DEPDC1B: variants seen among roughly 807,000 people sequenced by gnomAD.
DEPDC1B encodes DEP domain containing 1B.
DEPDC1B carries 51 observed loss-of-function variants against 66.5 expected under a neutral mutation model. That is an observed-to-expected ratio of 0.77 (90% CI 0.61 to 0.97). The LOEUF (loss-of-function observed/expected upper bound fraction) is 0.97. DEPDC1B is among the 50% of genes least tolerant of loss of function. DEPDC1B has a pLI of 0.00. For synonymous variants in DEPDC1B, 226 were observed against 223.6 expected (o/e 1.01, Z -0.10); for missense variants, 552 against 637.1 (o/e 0.87, Z 1.44).
At position 60,599,160 on chromosome 5, in the gene DEPDC1B, G is replaced by A; in HGVS notation, c.1343C>T (p.Ser448Phe). 1 of 1,613,474 alleles carries A rather than the reference G, an allele frequency of 6.2e-7. No homozygotes were observed. The highest frequency in any genetic ancestry group is 8.5e-7 in the Non-Finnish European group (1 of 1,179,710). ...EEFEYQRSYG[S>F]QEPLAALLEE... ...CAACAAGGCTGCCAGAGGTTCCTGA[G>A]AGCCATATGATCTTTGATATTCAAA... The change falls in exon 10 of 11, where the codon TCT (serine) becomes TTT (phenylalanine). Residue 448 changes from serine to phenylalanine, a missense_variant. Physicochemically the swap from Ser to Phe is radical, Grantham distance 155. Transcript: ENST00000265036.
At chr5:60,630,151 T>C (rs188055750) in intron 7 of DEPDC1B, among the ~76,000 whole-genome samples, 84 of 152,370 alleles carry the variant, frequency 5.5e-4, no homozygotes, top group African/African-American at 1.9e-3. Context: ...CTCTTTATAC[T>C]TCTTTATATG....
Position 60,693,566 on chromosome 5 carries a change from T to C in DEPDC1B, c.49-6339A>G, listed in dbSNP as rs566785678. Among the ~76,000 whole-genome samples the C allele has an allele frequency of 2.0e-5, 3 of 152,276 alleles. No individual in the cohort carries two copies. The South Asian group carries it at 6.2e-4, about 32-fold the overall frequency. The stretch of plus-strand genomic sequence containing the variant: ...CTCTTAAATTATAAGGTTCAATCTA[T>C]TCTAGAGCTGGAAAAAATCTTTGGG... On this transcript the variant is annotated intron_variant, in intron 1 of 10. Transcript: ENST00000265036.
intron 2 of DEPDC1B, among the ~76,000 whole-genome samples, chr5:60,678,658 A>G (rs73759371): frequency 0.019 from 2,858 of 152,308 alleles, 108 homozygotes; most frequent in African/African-American, 0.066. Context: ...ATACTACATC[A>G]AACATCTTTT....
At chr5:60,677,285 T>C (rs1754182188) in intron 2 of DEPDC1B, among the ~76,000 whole-genome samples, 2 of 139,114 alleles carry the variant, frequency 1.4e-5, no homozygotes, top group African/African-American at 2.7e-5. Context: ...AGCAGAATCT[T>C]TTTCATACAG....
intron 2 of DEPDC1B, among the ~76,000 whole-genome samples, chr5:60,671,062 C>A (rs1754023641): frequency 6.6e-6 from 1 of 152,062 alleles, no homozygotes; most frequent in Non-Finnish European, 1.5e-5. Flanking sequence ...AACATTAGCT[C>A]AAAAAGTGCA....
intron 7 of DEPDC1B, among the ~76,000 whole-genome samples, chr5:60,628,842 T>C (rs1054996907): frequency 3.9e-5 from 6 of 152,234 alleles, no homozygotes; most frequent in African/African-American, 1.4e-4. Context: ...TATATACAGA[T>C]ATAAATATGT....
chr5:60,663,875 T>C (rs1168748932), intron 2 of DEPDC1B, among the ~76,000 whole-genome samples: 38 of 152,232 alleles, frequency 2.5e-4, no homozygotes, highest in Non-Finnish European at 2.9e-5. Context: ...AGGGCTAAAA[T>C]TATCCAAAGG....
chr5:60,699,885 G>A (rs1754745749), intron 1 of DEPDC1B, among the ~76,000 whole-genome samples, 161 bp downstream of exon 1: 1 of 152,226 alleles, frequency 6.6e-6, no homozygotes, highest in Non-Finnish European at 1.5e-5. Flanking sequence ...TTTCTTTGAG[G>A]CTCGTCCACT....
At chr5:60,645,699 T>C (rs528209226) in intron 3 of DEPDC1B, 80 bp from the exon 4 acceptor site, 194 of 1,411,852 alleles carry the variant, frequency 1.4e-4, no homozygotes, top group Admixed American at 2.7e-4. Flanking sequence ...TATAAGGTGG[T>C]GGGATTTTTA....
At chr5:60,694,470 A>G (rs568718728) in intron 1 of DEPDC1B, among the ~76,000 whole-genome samples, 26 of 152,366 alleles carry the variant, frequency 1.7e-4, no homozygotes, top group African/African-American at 6.3e-4. Flanking sequence ...TCTAAAAAGT[A>G]TCAGCATATT....
intron 2 of DEPDC1B, among the ~76,000 whole-genome samples, chr5:60,653,570 A>G (rs1753506146): frequency 6.6e-6 from 1 of 151,884 alleles, no homozygotes; most frequent in South Asian, 2.1e-4. Context: ...TACTCTGCTG[A>G]TTATTTCTTT....
At position 60,608,367 on chromosome 5, in the gene DEPDC1B, C is replaced by T. The variant is rs149382309; in HGVS notation, c.899-2511G>A. Among the ~76,000 whole-genome samples, 455 of 151,612 alleles carry T rather than the reference C, an allele frequency of 3.0e-3. 8 individuals carry two copies. The highest frequency in any genetic ancestry group is 0.011 in the African/African-American group (438 of 41,388). Reference sequence around the variant, plus strand: ...CGAAAGCATAATGCATTTATTTTGGCAAGCCACATTTCCTAGTATAATACA... The same window carrying T: ...CGAAAGCATAATGCATTTATTTTGGTAAGCCACATTTCCTAGTATAATACA... On this transcript the variant is annotated intron_variant, in intron 7 of 10. Transcript: ENST00000265036.
chr5:60,597,968 A>C, intron 10 of DEPDC1B, 54 bp from the exon 11 acceptor site: 1 of 1,469,516 alleles, frequency 6.8e-7, no homozygotes, highest in South Asian at 1.5e-5. Context: ...AAAGCCAATA[A>C]AATTTGGCAG....
intron 2 of DEPDC1B, among the ~76,000 whole-genome samples, chr5:60,654,799 C>T (rs1753539633): frequency 6.7e-6 from 1 of 148,744 alleles, no homozygotes; most frequent in South Asian, 2.3e-4. Flanking sequence ...AAGGTACATC[C>T]CCTCTAGGCT....
At chr5:60,608,418 C>G (rs1376136045) in intron 7 of DEPDC1B, among the ~76,000 whole-genome samples, 2 of 149,344 alleles carry the variant, frequency 1.3e-5, no homozygotes, top group African/African-American at 4.9e-5. Context: ...CACTCAAATA[C>G]CTATTTATCA....
chr5:60,684,444 G>C (rs189384840), intron 2 of DEPDC1B, among the ~76,000 whole-genome samples: 19 of 152,206 alleles, frequency 1.2e-4, no homozygotes, highest in African/African-American at 4.6e-4. Context: ...ATAAATCCAT[G>C]TGTTTACAAC....
intron 2 of DEPDC1B, among the ~76,000 whole-genome samples, chr5:60,678,645 T>C (rs576375600): frequency 6.6e-6 from 1 of 152,356 alleles, no homozygotes; most frequent in East Asian, 1.9e-4. Flanking sequence ...ATCACCCTAA[T>C]GTATACTACA....
intron 7 of DEPDC1B, among the ~76,000 whole-genome samples, chr5:60,616,342 C>G (rs1295266596): frequency 3.3e-5 from 5 of 152,068 alleles, no homozygotes; most frequent in African/African-American, 1.2e-4. Flanking sequence ...TCAAACTACT[C>G]TGAGGTAAAG....
At chr5:60,662,464 T>A (rs902364942) in intron 2 of DEPDC1B, among the ~76,000 whole-genome samples, 12 of 151,722 alleles carry the variant, frequency 7.9e-5, no homozygotes, top group African/African-American at 2.9e-4. Context: ...GCAACCTCGG[T>A]TTTTTATAAT....
Sources: gnomAD v4.1 joint callset for allele counts (sites outside exome capture counted in the v4.1 genomes callset) on GRCh38, gnomAD v4.1.1 for gene constraint, MANE v1.5 for transcripts, NCBI Gene and HGNC (gene_info 2026-07-23, HGNC 2026-07-21) for gene names.